Variants in GDNF observed in about 807,000 individuals in gnomAD.
GDNF encodes the protein glial cell line-derived neurotrophic factor.
Under a neutral mutation model 13.7 loss-of-function variants are expected in GDNF, and 5 were observed. The observed-to-expected ratio is 0.36, with a 90% CI of 0.19 to 0.77. GDNF has a LOEUF of 0.77. Ranked by LOEUF, GDNF falls within the 30% of genes least tolerant of loss-of-function variation. GDNF has a pLI of 0.51. For missense variants in GDNF, 246 were observed against 274.3 expected (o/e 0.90, Z 0.73); for synonymous variants, 122 against 112.5 (o/e 1.08, Z -0.53).
At position 37,814,018 on chromosome 5, in the gene GDNF, A is replaced by T. The variant is rs781582573; in HGVS notation, c.*1633T>A. On this transcript the variant is annotated 3_prime_UTR_variant, in exon 3 of 3. Transcript: ENST00000326524. Reference sequence around the variant, plus strand: ...GGGTATATAGGAGCAGCAGCTGTTGACCCCCGGTGACAGCCCAGGGGTTGT... The same window carrying T: ...GGGTATATAGGAGCAGCAGCTGTTGTCCCCCGGTGACAGCCCAGGGGTTGT... The T allele has an allele frequency of 6.6e-6, 1 of 152,210 alleles. No homozygotes were observed. The highest frequency in any genetic ancestry group is 1.5e-5 in the Non-Finnish European group (1 of 68,040). 9.4% of individuals were successfully genotyped at this position (152,210 alleles called of 1,614,324 possible).
chr5:37,823,087 A>C (rs1750196511), intron 2 of GDNF, among the ~76,000 whole-genome samples: 1 of 152,230 alleles, frequency 6.6e-6, no homozygotes, highest in South Asian at 2.1e-4. Flanking sequence ...ACACAACATT[A>C]ACTTTAAACC....
chr5:37,839,515 G>C lies in GDNF; in HGVS notation c.-35C>G, dbSNP rs948179869. The C allele has an allele frequency of 6.6e-6, 1 of 152,436 alleles. No individual in the cohort carries two copies. Among genetic ancestry groups the C allele is most frequent in the African/African-American group, 2.4e-5 (1 of 41,440 alleles). The allele number at this position is 152,436 out of a possible 1,614,324, so 9.4% of individuals were successfully genotyped here. ...CCCGCTCCCTCACTTACCTCGGATC[G>C]GGTCTCCGCAGACCCTAGGTTGGAC... On this transcript the variant is annotated 5_prime_UTR_variant, in exon 1 of 3. Coordinates refer to ENST00000326524, the MANE Select transcript of GDNF (RefSeq NM_000514.4). The surrounding 1 kb of genome is among the most constrained non-coding windows in gnomAD (Gnocchi z 5.5).
At chr5:37,818,363 C>G (rs891002755) in intron 2 of GDNF, among the ~76,000 whole-genome samples, 1 of 152,150 alleles carries the variant, frequency 6.6e-6, no homozygotes, top group Admixed American at 6.5e-5. Flanking sequence ...TCTCATGAGA[C>G]CTGATTGTTT....
intron 2 of GDNF, among the ~76,000 whole-genome samples, chr5:37,820,905 T>C (rs966083217): frequency 1.3e-5 from 2 of 152,164 alleles, no homozygotes; most frequent in African/African-American, 4.8e-5. Flanking sequence ...CTTATTAAGC[T>C]GAAGGCTTTT....
At chr5:37,836,089 G>T (rs7701481) in intron 1 of GDNF, among the ~76,000 whole-genome samples, 249 of 152,156 alleles carry the variant, frequency 1.6e-3, no homozygotes, top group African/African-American at 5.7e-3. Context: ...CGTCTCCAGG[G>T]CACTAGTGAC....
chr5:37,836,718 C>A (rs770693117), intron 1 of GDNF, among the ~76,000 whole-genome samples: 1 of 152,202 alleles, frequency 6.6e-6, no homozygotes, highest in Non-Finnish European at 1.5e-5. Flanking sequence ...GCGGTCCGAC[C>A]GGAGGAGCAT....
rs1259576454 is a variant in GDNF, at chr5:37,815,520, CTCT to C, written c.*128_*130del. ...CCTCCTCCTCCTCCTCCTCCTCCTC[CTCT>C]TCTTCTTCCTCCTCCTCCGCCTCCT... is the stretch of plus-strand genomic sequence containing the variant. On this transcript the variant is annotated 3_prime_UTR_variant, in exon 3 of 3. Coordinates refer to ENST00000326524, the MANE Select transcript of GDNF (RefSeq NM_000514.4). This position sits in a 1 kb window ranked among gnomAD's most constrained non-coding sequence, Gnocchi z 5.0. 7.0e-5 allele frequency: 52 copies of C among 740,138 alleles called. No homozygotes were observed. Among genetic ancestry groups the C allele is most frequent in the African/African-American group, 6.3e-4 (33 of 52,658 alleles). 45.8% of individuals were successfully genotyped at this position (740,138 alleles called of 1,614,324 possible). A position where few individuals can be genotyped will look rare whatever the true frequency, so the allele number is the denominator to read the frequency against.
rs1294341080 is a variant in GDNF, at chr5:37,812,836, C to T, written c.*2815G>A. 5 of 152,180 alleles carry T rather than the reference C, an allele frequency of 3.3e-5. No homozygotes were observed. The highest frequency in any genetic ancestry group is 3.2e-3 in the Middle Eastern group (1 of 316). 9.4% of individuals were successfully genotyped at this position (152,180 alleles called of 1,614,324 possible). A position where few individuals can be genotyped will look rare whatever the true frequency, so the allele number is the denominator to read the frequency against. On this transcript the variant is annotated 3_prime_UTR_variant, in exon 3 of 3. Coordinates refer to ENST00000326524, the MANE Select transcript of GDNF (RefSeq NM_000514.4). ...ACTCCTTACGGTATCAGATGGTGAT[C>T]GCAATGATAAAGAAAAATCACAAAC...
chr5:37,821,365 AT>A (rs1750133134), intron 2 of GDNF, among the ~76,000 whole-genome samples: 1 of 152,194 alleles, frequency 6.6e-6, no homozygotes, highest in South Asian at 2.1e-4. Flanking sequence ...GCTTGGCAGA[AT>A]GTCAGATATG....
intron 2 of GDNF, among the ~76,000 whole-genome samples, chr5:37,820,510 C>A (rs762625151): frequency 1.3e-5 from 2 of 152,142 alleles, no homozygotes; most frequent in African/African-American, 2.4e-5. Flanking sequence ...AGTGAATACA[C>A]GTCATAGCAA....
intron 2 of GDNF, among the ~76,000 whole-genome samples, chr5:37,816,665 C>G (rs1179753381): frequency 6.6e-6 from 1 of 152,150 alleles, no homozygotes; most frequent in African/African-American, 2.4e-5. Flanking sequence ...ATCCACACAC[C>G]AAAGATCCAC....
Position 37,837,287 on chromosome 5 carries a change from T to G in GDNF, c.-27+2220A>C, listed in dbSNP as rs1446222974. Among the ~76,000 whole-genome samples the G allele has an allele frequency of 9.2e-5, 14 of 152,198 alleles. No individual in the cohort carries two copies. Among genetic ancestry groups the G allele is most frequent in the Admixed American group, 7.9e-4 (12 of 15,286 alleles). Reference sequence around the variant, plus strand: ...ATGGGCCTTTGCCCGCGGTGCAAACTGCTTTACGCGCCGCCACGTGCGAGA... The same window carrying G: ...ATGGGCCTTTGCCCGCGGTGCAAACGGCTTTACGCGCCGCCACGTGCGAGA... On this transcript the variant is annotated intron_variant, in intron 1 of 2. Coordinates refer to ENST00000326524, the MANE Select transcript of GDNF (RefSeq NM_000514.4). The surrounding 1 kb of genome is among the most constrained non-coding windows in gnomAD (Gnocchi z 6.5).
intron 2 of GDNF, among the ~76,000 whole-genome samples, chr5:37,827,036 GA>G (rs1750347155): frequency 3.3e-5 from 5 of 152,238 alleles, no homozygotes; most frequent in African/African-American, 1.2e-4. Context: ...TAATCATGTG[GA>G]AATAATCAGA....
At chr5:37,835,404 C>T (rs1750670287) in intron 1 of GDNF, 8 of 1,399,196 alleles carry the variant, frequency 5.7e-6, no homozygotes, top group Non-Finnish European at 7.4e-6. Flanking sequence ...CCCAGCCTGC[C>T]GCCCACACCT....
intron 2 of GDNF, among the ~76,000 whole-genome samples, chr5:37,829,217 G>T (rs2216710): frequency 0.072 from 10,918 of 152,182 alleles, 576 homozygotes; most frequent in South Asian, 0.18. Flanking sequence ...CCCACATCAT[G>T]GTCACAAATT....
At chr5:37,822,886 A>G (rs1037230344) in intron 2 of GDNF, among the ~76,000 whole-genome samples, 1 of 152,206 alleles carries the variant, frequency 6.6e-6, no homozygotes, top group African/African-American at 2.4e-5. Context: ...AGTTATTTTT[A>G]TCTTTCTATA....
Position 37,815,633 on chromosome 5 carries a change from C to A in GDNF, c.*18G>T, listed in dbSNP as rs749887214. The A allele has an allele frequency of 5.6e-6, 9 of 1,610,542 alleles. No homozygotes were observed. The highest frequency in any genetic ancestry group is 7.6e-6 in the Non-Finnish European group (9 of 1,176,788). ...ACTGTAGCAGGAATGCAATACACAGCAGTCTCTGGAGCCGGAGTCAGATAC... is the reference window on the plus strand; with the variant it reads ...ACTGTAGCAGGAATGCAATACACAGAAGTCTCTGGAGCCGGAGTCAGATAC... On this transcript the variant is annotated 3_prime_UTR_variant, in exon 3 of 3. Coordinates refer to ENST00000326524, the MANE Select transcript of GDNF (RefSeq NM_000514.4). This position sits in a 1 kb window ranked among gnomAD's most constrained non-coding sequence, Gnocchi z 5.0.
intron 2 of GDNF, among the ~76,000 whole-genome samples, chr5:37,831,522 T>C (rs1012127652): frequency 2.0e-5 from 3 of 152,238 alleles, no homozygotes; most frequent in African/African-American, 4.8e-5. Context: ...TCAGACAACC[T>C]TGTGCACCAT....
chr5:37,826,802 C>T (rs1750333388), intron 2 of GDNF, among the ~76,000 whole-genome samples: 1 of 152,186 alleles, frequency 6.6e-6, no homozygotes. Flanking sequence ...TCTCCTTGCC[C>T]ATGTCCCCTT....
Sources: gnomAD v4.1 joint callset for allele counts (sites outside exome capture counted in the v4.1 genomes callset) on GRCh38, gnomAD v4.1.1 for gene constraint, Gnocchi (gnomAD v3.1) non-coding constraint, MANE v1.5 for transcripts, NCBI Gene and HGNC (gene_info 2026-07-23, HGNC 2026-07-21) for gene names.